SYCP1: variants seen among roughly 807,000 people sequenced by gnomAD.
SYCP1 encodes the protein cancer/testis antigen 8.
SYCP1 carries 64 observed loss-of-function variants against 153.1 expected under a neutral mutation model. That is an observed-to-expected ratio of 0.42 (90% CI 0.34 to 0.51). The LOEUF (loss-of-function observed/expected upper bound fraction) is 0.51, where lower values mean the gene tolerates loss of function less well. Ranked by LOEUF, SYCP1 falls within the 20% of genes least tolerant of loss-of-function variation. SYCP1 has a pLI of 0.06. For missense variants in SYCP1, 997 were observed against 1,049.0 expected, an observed-to-expected ratio of 0.95 and a Z score of 0.68; for synonymous variants, 384 against 341.8, an observed-to-expected ratio of 1.12 and a Z score of -1.36.
At chr1:114,861,111 T>C (rs1372028817) in intron 8 of SYCP1, among the ~76,000 whole-genome samples, 2 of 152,248 alleles carry the variant, frequency 1.3e-5, no homozygotes, top group East Asian at 3.9e-4. Context: ...GGAAATTCAA[T>C]CGAGAATAAG....
chr1:114,962,202 C>A (rs1204376481), intron 27 of SYCP1, among the ~76,000 whole-genome samples: 1 of 151,982 alleles, frequency 6.6e-6, no homozygotes, highest in African/African-American at 2.4e-5. Context: ...CCAGGCTGGT[C>A]TCGAACTCCT....
At chr1:114,921,566 C>A (rs796080281) in intron 20 of SYCP1, among the ~76,000 whole-genome samples, 5 of 151,350 alleles carry the variant, frequency 3.3e-5, no homozygotes, top group African/African-American at 1.2e-4. Flanking sequence ...GTAATCCTAG[C>A]TACTGGGGAG....
chr1:114,877,838 C>G (rs1258256853), intron 11 of SYCP1, among the ~76,000 whole-genome samples: 1 of 152,128 alleles, frequency 6.6e-6, no homozygotes, highest in Non-Finnish European at 1.5e-5. Flanking sequence ...TATATACCCC[C>G]ACCCATCCCT....
rs1668283206 is a variant in SYCP1, at chr1:114,913,025, A to T, written c.1530-8A>T. The stretch of plus-strand genomic sequence containing the variant: ...TATTTTGGTATGACTTTTTTTTTTA[A>T]AAAATAGGCTTAAGAATACTGAATT... On this transcript the variant is annotated splice_polypyrimidine_tract_variant and splice_region_variant and intron_variant, in intron 18 of 31. Coordinates refer to ENST00000369522, the MANE Select transcript of SYCP1 (RefSeq NM_003176.4). The T allele has an allele frequency of 1.3e-6, 2 of 1,575,070 alleles. No individual in the cohort carries two copies. The highest frequency in any genetic ancestry group is 1.2e-5 in the South Asian group (1 of 84,444).
chr1:114,944,242 ATCT>A lies in SYCP1; in HGVS notation c.1927-93_1927-91del, dbSNP rs3835701. On this transcript the variant is annotated intron_variant, in intron 23 of 31. Coordinates refer to ENST00000369522, the MANE Select transcript of SYCP1 (RefSeq NM_003176.4). The stretch of plus-strand genomic sequence containing the variant: ...CCAACCTAATTTCCATGAATAAGTA[ATCT>A]TCTAAGATTCACAAAACCACAAAAT... The A allele has an allele frequency of 9.8e-3, 6,812 of 691,732 alleles. 182 individuals carry two copies. The highest frequency in any genetic ancestry group is 0.089 in the East Asian group (3,048 of 34,416). 42.8% of individuals were successfully genotyped at this position (691,732 alleles called of 1,614,324 possible).
chr1:114,943,129 G>A (rs899356660), intron 23 of SYCP1, among the ~76,000 whole-genome samples: 10 of 151,914 alleles, frequency 6.6e-5, no homozygotes, highest in Non-Finnish European at 8.8e-5. Context: ...TTGTGAAGCA[G>A]GAAAAGTCAT....
At chr1:114,875,959 T>C (rs1665499330) in intron 9 of SYCP1, 110 bp from the exon 10 acceptor site, 1 of 629,694 alleles carries the variant, frequency 1.6e-6, no homozygotes, top group Admixed American at 3.5e-5. Flanking sequence ...TTCCAAATTG[T>C]GTGGTTTTAA....
chr1:114,869,641 G>A (rs1015560641), intron 8 of SYCP1, among the ~76,000 whole-genome samples: 1 of 152,136 alleles, frequency 6.6e-6, no homozygotes, highest in Non-Finnish European at 1.5e-5. Context: ...CCAAAATGAT[G>A]CTCAAAGGAA....
chr1:114,919,041 T>C (rs1668689991), intron 20 of SYCP1, among the ~76,000 whole-genome samples: 1 of 152,138 alleles, frequency 6.6e-6, no homozygotes, highest in African/African-American at 2.4e-5. Flanking sequence ...TCCAGTACTA[T>C]GTTGAATAAC....
intron 12 of SYCP1, among the ~76,000 whole-genome samples, chr1:114,879,464 A>G (rs1421658290): frequency 6.6e-6 from 1 of 152,112 alleles, no homozygotes; most frequent in Non-Finnish European, 1.5e-5. Context: ...TACTTCCTGT[A>G]CTCAAAATGA....
At chr1:114,916,482 T>G (rs1451436385) in intron 20 of SYCP1, among the ~76,000 whole-genome samples, 2 of 152,026 alleles carry the variant, frequency 1.3e-5, no homozygotes, top group African/African-American at 4.8e-5. Flanking sequence ...TAATTGATAT[T>G]GGGTATTATT....
At chr1:114,869,404 C>A (rs1178426118) in intron 8 of SYCP1, among the ~76,000 whole-genome samples, 1 of 152,096 alleles carries the variant, frequency 6.6e-6, no homozygotes, top group Non-Finnish European at 1.5e-5. Flanking sequence ...AGATACTGTA[C>A]AATTTATAAT....
intron 30 of SYCP1, among the ~76,000 whole-genome samples, chr1:114,991,214 A>G (rs1041199756): frequency 2.0e-5 from 3 of 151,974 alleles, no homozygotes; most frequent in East Asian, 1.9e-4. Context: ...AAAATTTGAC[A>G]TATATGTTAA....
rs576422861 is a variant in SYCP1, at chr1:114,952,709, C to T, written c.2322+5389C>T. Among the ~76,000 whole-genome samples the T allele has an allele frequency of 6.2e-4, 95 of 152,304 alleles. 3 individuals carry two copies. In the South Asian group the frequency reaches 0.019, roughly 31 times the overall value. On this transcript the variant is annotated intron_variant, in intron 27 of 31. Transcript: ENST00000369522. ...ATTCAATTACTTCCCACTGGGTACT[C>T]TCCCACAACATGTGGGGATAATGGG...
At chr1:114,912,895 T>C in intron 18 of SYCP1, 138 bp from the exon 19 acceptor site, 2 of 605,290 alleles carry the variant, frequency 3.3e-6, no homozygotes, top group Non-Finnish European at 5.8e-6. Context: ...TCAGGAATTA[T>C]AAACCAATAG....
At chr1:114,886,339 A>G (rs980433387) in intron 14 of SYCP1, 30 bp downstream of exon 14, 1 of 1,455,130 alleles carries the variant, frequency 6.9e-7, no homozygotes, top group African/African-American at 1.5e-5. Flanking sequence ...TAATACACAA[A>G]ATAAGTGAAT....
chr1:114,956,922 A>G (rs1025626081), intron 27 of SYCP1, among the ~76,000 whole-genome samples: 5 of 152,228 alleles, frequency 3.3e-5, no homozygotes, highest in African/African-American at 1.2e-4. Context: ...ACATTGTCAC[A>G]CATCCACAAG....
intron 15 of SYCP1, among the ~76,000 whole-genome samples, chr1:114,893,284 T>C (rs1048487459): frequency 2.0e-5 from 3 of 152,204 alleles, no homozygotes. Flanking sequence ...TCTCTATCTT[T>C]ATCTGTATCT....
At chr1:114,955,448 C>T (rs1359014495) in intron 27 of SYCP1, among the ~76,000 whole-genome samples, 5 of 152,118 alleles carry the variant, frequency 3.3e-5, no homozygotes, top group African/African-American at 4.8e-5. Flanking sequence ...CTTCTGTTTT[C>T]GGGAAGAGAT....
Sources: allele counts gnomAD v4.1 joint callset (sites outside exome capture counted in the v4.1 genomes callset), GRCh38; gene constraint gnomAD v4.1.1; transcripts MANE v1.5; gene names NCBI Gene and HGNC (gene_info 2026-07-23, HGNC 2026-07-21).